The following DCUN1D4 variants were observed in gnomAD, a reference collection of about 807,000 sequenced individuals.
DCUN1D4 encodes the protein DCN1-like protein 4.
In DCUN1D4, 22 loss-of-function variants were observed where a neutral mutation model predicts 47.9. The ratio of observed to expected loss-of-function variants is 0.46; its 90% CI spans 0.33 to 0.66. The LOEUF is 0.66. DCUN1D4 is among the 30% of genes least tolerant of loss of function. The pLI, the probability that DCUN1D4 is intolerant of heterozygous loss-of-function variation, is 0.02. For synonymous variants in DCUN1D4, 121 were observed against 112.2 expected, an observed-to-expected ratio of 1.08 and a Z score of -0.50; for missense variants, 301 against 340.8, an observed-to-expected ratio of 0.88 and a Z score of 0.92.
At chr4:51,843,396 C>T (rs914609513) in intron 1 of DCUN1D4, 129 bp downstream of exon 1, 4 of 1,300,476 alleles carry the variant, frequency 3.1e-6, no homozygotes, top group African/African-American at 3.1e-5. Flanking sequence ...GGGAACCACC[C>T]CTTCCCCTCC....
Position 51,879,291 on chromosome 4 carries a change from G to A in DCUN1D4, c.343+1437G>A, listed in dbSNP as rs572274067. On this transcript the variant is annotated intron_variant, in intron 5 of 10. Coordinates refer to ENST00000334635, the MANE Select transcript of DCUN1D4 (RefSeq NM_001040402.3). ...TGATTCATTGAACCTGAATCTCTTG[G>A]AAACCTTTAGAATTTCTAGTAAAAG... Among the ~76,000 whole-genome samples, 35 of 152,274 alleles carry A rather than the reference G, an allele frequency of 2.3e-4. 1 individual carries two copies. In the South Asian group the frequency reaches 7.0e-3, roughly 31 times the overall value.
At chr4:51,844,584 T>G (rs1035687975) in intron 1 of DCUN1D4, among the ~76,000 whole-genome samples, 3 of 151,834 alleles carry the variant, frequency 2.0e-5, no homozygotes, top group African/African-American at 7.3e-5. Flanking sequence ...AGTTGTCTAA[T>G]TTCTGGCTAT....
intron 7 of DCUN1D4, among the ~76,000 whole-genome samples, chr4:51,894,880 A>G (rs1386944921): frequency 2.0e-5 from 3 of 152,150 alleles, no homozygotes; most frequent in Non-Finnish European, 2.9e-5. Flanking sequence ...TGGCTTATAA[A>G]TAAAATTCCA....
the DCUN1D4 span, among the ~76,000 whole-genome samples, chr4:51,836,077 C>G: frequency 1.3e-5 from 2 of 152,154 alleles, no homozygotes; most frequent in Non-Finnish European, 2.9e-5. Context: ...GGGAGGAAAG[C>G]TAACAGAGTG....
chr4:51,894,994 C>T (rs1731008494), intron 7 of DCUN1D4, among the ~76,000 whole-genome samples: 1 of 152,058 alleles, frequency 6.6e-6, no homozygotes, highest in African/African-American at 2.4e-5. Context: ...TGCCTTCTAA[C>T]TGGGTCCTCC....
intron 1 of DCUN1D4, chr4:51,844,459 C>T: frequency 2.1e-6 from 2 of 963,746 alleles, no homozygotes; most frequent in Non-Finnish European, 2.5e-6. Flanking sequence ...GTGCGGGCTG[C>T]GGGGTTTCAG....
chr4:51,900,393 TCAGATA>T (rs1277922861), intron 8 of DCUN1D4, among the ~76,000 whole-genome samples: 3 of 152,150 alleles, frequency 2.0e-5, no homozygotes, highest in African/African-American at 4.8e-5. Context: ...AAGGTGAAAT[TCAGATA>T]CAGTGTTTGA....
chr4:51,851,826 G>C (rs1723421952), intron 1 of DCUN1D4, among the ~76,000 whole-genome samples: 2 of 152,160 alleles, frequency 1.3e-5, no homozygotes, highest in African/African-American at 4.8e-5. Flanking sequence ...CACAGATGAG[G>C]ACGCTGAGGT....
intron 9 of DCUN1D4, 136 bp from the exon 10 acceptor site, chr4:51,913,154 A>C: frequency 1.9e-6 from 1 of 530,640 alleles, no homozygotes; most frequent in Non-Finnish European, 3.3e-6. Flanking sequence ...ATCCTCCTAG[A>C]TTGGTGCTTA....
At chr4:51,838,228 T>G (rs1721545157), upstream of DCUN1D4, among the ~76,000 whole-genome samples, 1 of 152,134 alleles carries the variant, frequency 6.6e-6, no homozygotes, top group Admixed American at 6.5e-5. Flanking sequence ...ATAATCTCAT[T>G]TGCTGTGGGG....
At chr4:51,913,413 T>C (rs775475185) in intron 10 of DCUN1D4, 21 bp downstream of exon 10, 2 of 1,596,472 alleles carry the variant, frequency 1.3e-6, no homozygotes. Flanking sequence ...CCGCTACCAT[T>C]CTGCCATTCG....
chr4:51,855,221 T>A (rs941646077), intron 1 of DCUN1D4, among the ~76,000 whole-genome samples: 2 of 152,118 alleles, frequency 1.3e-5, no homozygotes, highest in Non-Finnish European at 2.9e-5. Context: ...GAAAGTAGAT[T>A]AGTGGTTGCC....
chr4:51,844,582 A>G (rs964328232), intron 1 of DCUN1D4, among the ~76,000 whole-genome samples: 3 of 151,562 alleles, frequency 2.0e-5, no homozygotes, highest in Non-Finnish European at 2.9e-5. Flanking sequence ...GCAGTTGTCT[A>G]ATTTCTGGCT....
chr4:51,874,419 A>G lies in DCUN1D4; in HGVS notation c.251+34A>G, dbSNP rs201153859. 1.0e-4 allele frequency: 152 copies of G among 1,507,800 alleles called. No homozygotes were observed. In the African/African-American group the frequency reaches 2.0e-3, roughly 20 times the overall value. 93.4% of individuals were successfully genotyped at this position (1,507,800 alleles called of 1,614,324 possible). ...TAGAGACAGTAGATCAGAATCAGTG[A>G]TACATATGTCGAAGATGCACATTTC... On this transcript the variant is annotated intron_variant, in intron 4 of 10. Transcript: ENST00000334635.
intron 1 of DCUN1D4, among the ~76,000 whole-genome samples, chr4:51,849,834 T>C (rs1443417712): frequency 8.4e-6 from 1 of 118,358 alleles, no homozygotes; most frequent in Non-Finnish European, 1.6e-5. Context: ...TACAGAAATA[T>C]GTGTGTGTGT....
At chr4:51,876,547 T>C (rs1453018193) in intron 4 of DCUN1D4, among the ~76,000 whole-genome samples, 1 of 151,990 alleles carries the variant, frequency 6.6e-6, no homozygotes, top group African/African-American at 2.4e-5. Context: ...TGTGCACATG[T>C]ACCCTAAAAC....
chr4:51,846,361 AAAG>A (rs1722548361), intron 1 of DCUN1D4, among the ~76,000 whole-genome samples: 1 of 152,208 alleles, frequency 6.6e-6, no homozygotes, highest in Non-Finnish European at 1.5e-5. Flanking sequence ...CATTGCCAGA[AAAG>A]AAGGCCTGCC....
intron 7 of DCUN1D4, among the ~76,000 whole-genome samples, chr4:51,896,598 AAAAATCTAACCCTACAGTAG>A (rs1731305746): frequency 6.6e-6 from 1 of 152,080 alleles, no homozygotes; most frequent in Non-Finnish European, 1.5e-5. Context: ...ACACCATTAA[AAAAATCTAACCCTACAGTAG>A]AAAATCTAAC....
upstream of DCUN1D4, chr4:51,842,916 A>T: frequency 1.9e-6 from 1 of 533,876 alleles, no homozygotes; most frequent in Non-Finnish European, 2.8e-6. Context: ...GACTGACAGC[A>T]GCCGGGCCCA....
Sources: gnomAD v4.1 joint callset for allele counts (sites outside exome capture counted in the v4.1 genomes callset) on GRCh38, gnomAD v4.1.1 for gene constraint, MANE v1.5 for transcripts, NCBI Gene and HGNC (gene_info 2026-07-23, HGNC 2026-07-21) for gene names.